The following LANCL1 variants were observed in gnomAD, a reference collection of about 807,000 sequenced individuals.
LANCL1 encodes the protein glutathione S-transferase LANCL1.
A neutral mutation model predicts 50.6 loss-of-function variants in LANCL1; 50 were observed. The observed-to-expected ratio is 0.99, with a 90% CI of 0.79 to 1.25. The LOEUF (loss-of-function observed/expected upper bound fraction) is 1.25. Among genes scored for constraint, LANCL1 ranks in the 50% most tolerant of loss-of-function variants. LANCL1 has a pLI of 0.00. For missense variants in LANCL1, 532 were observed against 480.7 expected (o/e 1.11, Z -1.00); for synonymous variants, 188 against 178.6 (o/e 1.05, Z -0.42).
intron 4 of LANCL1, among the ~76,000 whole-genome samples, chr2:210,448,892 C>G (rs1574423684): frequency 1.8e-4 from 27 of 152,092 alleles, no homozygotes; most frequent in Admixed American, 1.8e-3. Context: ...AAGTCCAGGA[C>G]CAGACAGATT....
At chr2:210,455,006 C>A in intron 4 of LANCL1, 101 bp downstream of exon 4, 2 of 956,788 alleles carry the variant, frequency 2.1e-6, no homozygotes, top group Non-Finnish European at 1.6e-6. Flanking sequence ...GATTTATCTG[C>A]TAAGAGAAAA....
chr2:210,462,734 T>C (rs1693902996), intron 3 of LANCL1, among the ~76,000 whole-genome samples: 1 of 152,222 alleles, frequency 6.6e-6, no homozygotes, highest in African/African-American at 2.4e-5. Flanking sequence ...CTGTAAGTCT[T>C]CTCAGGGTTT....
intron 3 of LANCL1, among the ~76,000 whole-genome samples, chr2:210,456,881 G>C (rs1269151691): frequency 6.6e-6 from 1 of 152,224 alleles, no homozygotes; most frequent in Admixed American, 6.5e-5. Flanking sequence ...ATTCCTCTTG[G>C]CTTAACTATT....
At chr2:210,474,712 G>T (rs1694307736) in intron 2 of LANCL1, among the ~76,000 whole-genome samples, 2 of 134,872 alleles carry the variant, frequency 1.5e-5, no homozygotes, top group Non-Finnish European at 3.2e-5. Flanking sequence ...GGCTCAGGGT[G>T]AGACTCCGTC....
In LANCL1 at chr2:210,471,911, G is replaced by A. The variant is rs1054008501; in HGVS notation, c.199+48C>T. On this transcript the variant is annotated intron_variant, in intron 3 of 9. Coordinates refer to ENST00000450366, the MANE Select transcript of LANCL1 (RefSeq NM_006055.3). ...CAGACAGCTCTCGGAAAAATGCTCT[G>A]GCTCTTAAGCACAATGCTTATGCCA... The A allele has an allele frequency of 6.1e-6, 8 of 1,307,418 alleles. No individual in the cohort carries two copies. In the Admixed American group the frequency reaches 1.2e-4, roughly 19 times the overall value. 81.0% of individuals were successfully genotyped at this position (1,307,418 alleles called of 1,614,324 possible).
In LANCL1 at chr2:210,435,072, G is replaced by C. The variant is rs181691156; in HGVS notation, c.1123+315C>G. Among the ~76,000 whole-genome samples the C allele has an allele frequency of 1.4e-3, 217 of 152,160 alleles. 2 individuals are homozygous for C. The highest frequency in any genetic ancestry group is 5.0e-3 in the African/African-American group (207 of 41,516). ...TGCCATTTACCAAACATAAGCTCCTGAGCCTCAGTCTCCTCGGCTATGACA... is the reference window on the plus strand; with the variant it reads ...TGCCATTTACCAAACATAAGCTCCTCAGCCTCAGTCTCCTCGGCTATGACA... On this transcript the variant is annotated intron_variant, in intron 9 of 9. Coordinates refer to ENST00000450366, the MANE Select transcript of LANCL1 (RefSeq NM_006055.3).
At chr2:210,451,121 C>T (rs1028725627) in intron 4 of LANCL1, among the ~76,000 whole-genome samples, 1 of 152,174 alleles carries the variant, frequency 6.6e-6, no homozygotes, top group African/African-American at 2.4e-5. Context: ...AAATGTAGCA[C>T]ATATACAACA....
chr2:210,451,879 T>C (rs1693521945), intron 4 of LANCL1, among the ~76,000 whole-genome samples: 1 of 152,236 alleles, frequency 6.6e-6, no homozygotes, highest in African/African-American at 2.4e-5. Context: ...TGATACATTC[T>C]ATAACGTAGA....
chr2:210,450,850 G>A (rs1693490710), intron 4 of LANCL1, among the ~76,000 whole-genome samples: 1 of 152,174 alleles, frequency 6.6e-6, no homozygotes, highest in Admixed American at 6.5e-5. Context: ...CATAGAATGT[G>A]GAGAAATAGT....
At chr2:210,443,967 A>C (rs1559709598) in intron 4 of LANCL1, among the ~76,000 whole-genome samples, 1 of 152,218 alleles carries the variant, frequency 6.6e-6, no homozygotes, top group Non-Finnish European at 1.5e-5. Context: ...AAGTCTAAGA[A>C]GGGCTTGAGG....
Position 210,441,432 on chromosome 2 carries a change from A to T in LANCL1, c.419T>A (p.Leu140Gln). Reference protein sequence around the residue: ...AEDCITRLIHLNKIDPHAPNE... With the variant: ...AEDCITRLIHQNKIDPHAPNE... ...TGGAGCATGAGGATCAATCTTATTTAGGTGAATTAGCCTAAAAATAAAAAT... is the reference window on the plus strand; with the variant it reads ...TGGAGCATGAGGATCAATCTTATTTTGGTGAATTAGCCTAAAAATAAAAAT... Residue 140 changes from leucine (L) to glutamine (Q), a missense_variant, in exon 5 of 10, where the codon CTA becomes CAA. Leu to Gln is a moderately radical substitution (Grantham distance 113, BLOSUM62 -2). Coordinates refer to ENST00000450366, the MANE Select transcript of LANCL1 (RefSeq NM_006055.3). 6.2e-7 allele frequency: 1 copy of T among 1,607,874 alleles called. No homozygotes were observed. Among genetic ancestry groups the T allele is most frequent in the Non-Finnish European group, 8.5e-7 (1 of 1,175,972 alleles).
intron 4 of LANCL1, among the ~76,000 whole-genome samples, chr2:210,445,926 C>A (rs1228931733): frequency 6.6e-6 from 1 of 152,146 alleles, no homozygotes; most frequent in Admixed American, 6.5e-5. Flanking sequence ...AGTGTCTGGG[C>A]AGGGCATTTC....
chr2:210,475,878 A>G (rs750087800), intron 2 of LANCL1, among the ~76,000 whole-genome samples: 2 of 152,138 alleles, frequency 1.3e-5, no homozygotes, highest in Non-Finnish European at 2.9e-5. Context: ...TTCTCTAAGC[A>G]CTAACAGTTT....
chr2:210,449,254 CAT>C (rs1693438877), intron 4 of LANCL1, among the ~76,000 whole-genome samples: 1 of 152,218 alleles, frequency 6.6e-6, no homozygotes, highest in Non-Finnish European at 1.5e-5. Flanking sequence ...ACAAAAACCA[CAT>C]GACTATCTCA....
rs567227143 is a variant in LANCL1, at chr2:210,451,184, A to G, written c.407+3923T>C. Among the ~76,000 whole-genome samples, 386 of 152,330 alleles carry G rather than the reference A, an allele frequency of 2.5e-3. 1 individual carries two copies. The highest frequency in any genetic ancestry group is 3.7e-3 in the Non-Finnish European group (255 of 68,032). ...ATGAGTTCATGTCCTTTGCAGGGAC[A>G]TGGATGAAGCTAAAAACCATCATTC... On this transcript the variant is annotated intron_variant, in intron 4 of 9. Coordinates refer to ENST00000450366, the MANE Select transcript of LANCL1 (RefSeq NM_006055.3).
intron 2 of LANCL1, among the ~76,000 whole-genome samples, chr2:210,476,112 A>C (rs1694358678): frequency 6.6e-6 from 1 of 152,236 alleles, no homozygotes; most frequent in Admixed American, 6.5e-5. Flanking sequence ...TATTTCAATT[A>C]ATAATGTTAA....
intron 2 of LANCL1, among the ~76,000 whole-genome samples, 199 bp downstream of exon 2, chr2:210,476,115 AAT>A (rs1694358976): frequency 6.6e-6 from 1 of 152,250 alleles, no homozygotes; most frequent in African/African-American, 2.4e-5. Flanking sequence ...TTCAATTAAT[AAT>A]GTTAACAATG....
At chr2:210,464,991 A>AAAC (rs200221063) in intron 3 of LANCL1, among the ~76,000 whole-genome samples, 1 of 151,942 alleles carries the variant, frequency 6.6e-6, no homozygotes, top group Non-Finnish European at 1.5e-5. Flanking sequence ...AAAAAAAAAA[A>AAAC]CTTATGCGTA....
At chr2:210,449,461 T>G (rs963154133) in intron 4 of LANCL1, among the ~76,000 whole-genome samples, 1 of 152,110 alleles carries the variant, frequency 6.6e-6, no homozygotes, top group Non-Finnish European at 1.5e-5. Context: ...GATGCCCTCT[T>G]TCACCACTCC....
Sources: gnomAD v4.1 joint callset for allele counts (sites outside exome capture counted in the v4.1 genomes callset) on GRCh38, gnomAD v4.1.1 for gene constraint, MANE v1.5 for transcripts, NCBI Gene and HGNC (gene_info 2026-07-23, HGNC 2026-07-21) for gene names.